The following PAPPA variants were observed in gnomAD, a reference collection of about 807,000 sequenced individuals.
PAPPA encodes pappalysin 1.
A neutral mutation model predicts 164.0 loss-of-function variants in PAPPA; 60 were observed. The ratio of observed to expected loss-of-function variants is 0.37; its 90% CI spans 0.30 to 0.45. PAPPA has a LOEUF of 0.45. PAPPA is among the 20% of genes least tolerant of loss of function. The pLI is 1.00. For missense variants in PAPPA, 1,782 were observed against 2,087.3 expected, an observed-to-expected ratio of 0.85 and a Z score of 2.85; for synonymous variants, 875 against 814.1, an observed-to-expected ratio of 1.07 and a Z score of -1.27.
At chr9:116,353,890 G>A (rs975688510) in intron 17 of PAPPA, 97 bp downstream of exon 17, 1 of 826,400 alleles carries the variant, frequency 1.2e-6, no homozygotes, top group South Asian at 1.9e-5. Context: ...CTGCACTTTT[G>A]TAATCTCTGA....
chr9:116,354,020 A>G (rs1846319455), intron 17 of PAPPA, among the ~76,000 whole-genome samples: 1 of 152,160 alleles, frequency 6.6e-6, no homozygotes, highest in Non-Finnish European at 1.5e-5. Context: ...CAATGTATGA[A>G]GTTGATAAAA....
intron 10 of PAPPA, among the ~76,000 whole-genome samples, chr9:116,312,276 T>C (rs2118909397): frequency 7.3e-6 from 1 of 137,772 alleles, no homozygotes; most frequent in East Asian, 2.3e-4. Flanking sequence ...TTTTCTTTTC[T>C]TTTCTTTCTT....
chr9:116,227,633 T>G, intron 6 of PAPPA, 81 bp downstream of exon 6: 1 of 1,445,642 alleles, frequency 6.9e-7, no homozygotes, highest in Non-Finnish European at 9.4e-7. Flanking sequence ...GTTTTATTAT[T>G]TTTATGGGTC....
At chr9:116,233,284 T>C (rs1478632683) in intron 6 of PAPPA, among the ~76,000 whole-genome samples, 1 of 152,220 alleles carries the variant, frequency 6.6e-6, no homozygotes, top group Non-Finnish European at 1.5e-5. Context: ...ATGAGTTAAC[T>C]AATAACTAGG....
At chr9:116,155,768 C>G in intron 1 of PAPPA, among the ~76,000 whole-genome samples, 1 of 152,250 alleles carries the variant, frequency 6.6e-6, no homozygotes, top group Non-Finnish European at 1.5e-5. Context: ...ATGAAGACCC[C>G]TTTAGGAGAC....
intron 10 of PAPPA, among the ~76,000 whole-genome samples, chr9:116,327,731 T>C (rs1166071622): frequency 2.0e-5 from 3 of 152,192 alleles, no homozygotes; most frequent in Non-Finnish European, 2.9e-5. Context: ...TGGCATGCCA[T>C]ATGCCCTCAG....
intron 21 of PAPPA, among the ~76,000 whole-genome samples, chr9:116,389,810 GTTT>G (rs59843125): frequency 1.4e-5 from 2 of 145,214 alleles, no homozygotes; most frequent in Non-Finnish European, 3.0e-5. Flanking sequence ...TTTGCCTTCT[GTTT>G]TTTTTTTTCT....
intron 7 of PAPPA, among the ~76,000 whole-genome samples, chr9:116,251,500 C>T (rs938097839): frequency 2.0e-5 from 3 of 152,192 alleles, no homozygotes; most frequent in African/African-American, 7.2e-5. Context: ...CCTTACTGGC[C>T]CCTAGTCCTC....
At chr9:116,293,351 G>A (rs909112642) in intron 9 of PAPPA, among the ~76,000 whole-genome samples, 1 of 152,054 alleles carries the variant, frequency 6.6e-6, no homozygotes. Flanking sequence ...TGCTGATTTG[G>A]GAGACTAATG....
rs10513270 is a variant in PAPPA, at chr9:116,271,055, C to A, written c.2862-270C>A. Among the ~76,000 whole-genome samples, 20,063 of 152,208 alleles carry A rather than the reference C, an allele frequency of 0.13. 1,838 individuals carry two copies. Among genetic ancestry groups the A allele is most frequent in the Admixed American group, 0.26 (3,996 of 15,288 alleles). ...TCTTCCATGTCTTACTCCCATCTGA[C>A]TTAACTGACTTGAGATCTCAGAGAA... On this transcript the variant is annotated intron_variant, in intron 8 of 21. Coordinates refer to ENST00000328252, the MANE Select transcript of PAPPA (RefSeq NM_002581.5). The surrounding 1 kb of genome is among the most constrained non-coding windows in gnomAD (Gnocchi z 4.2).
rs577468719 is a variant in PAPPA, at chr9:116,249,784, A to G, written c.2732+14147A>G. Among the ~76,000 whole-genome samples the G allele has an allele frequency of 2.7e-4, 41 of 152,334 alleles. No homozygotes were observed. The South Asian group carries it at 8.1e-3, about 30-fold the overall frequency. On this transcript the variant is annotated intron_variant, in intron 7 of 21. Transcript: ENST00000328252. ...GTTACTGGCATCACTGAAACACACA[A>G]TGAATGCAGCTATAGAGGCATATTT...
At chr9:116,339,012 C>T (rs1008194602) in intron 13 of PAPPA, among the ~76,000 whole-genome samples, 1 of 152,172 alleles carries the variant, frequency 6.6e-6, no homozygotes, top group Non-Finnish European at 1.5e-5. Flanking sequence ...CTAAGCAAGA[C>T]AAGTGACTCG....
intron 9 of PAPPA, among the ~76,000 whole-genome samples, chr9:116,287,935 C>T (rs1845361544): frequency 6.6e-6 from 1 of 152,182 alleles, no homozygotes; most frequent in African/African-American, 2.4e-5. Context: ...ACACATCCTT[C>T]ATTTGGCGGA....
chr9:116,384,759 T>C (rs759411167), intron 21 of PAPPA, among the ~76,000 whole-genome samples: 39 of 152,156 alleles, frequency 2.6e-4, no homozygotes, highest in Non-Finnish European at 5.4e-4. Flanking sequence ...CAAATGAATA[T>C]AGTGAACAAT....
intron 2 of PAPPA, among the ~76,000 whole-genome samples, chr9:116,192,620 G>T (rs951514849): frequency 6.6e-6 from 1 of 152,118 alleles, no homozygotes; most frequent in African/African-American, 2.4e-5. Flanking sequence ...GTGAATGAAG[G>T]GTCCACAGTA....
At chr9:116,205,339 C>T (rs947734284) in intron 2 of PAPPA, among the ~76,000 whole-genome samples, 2 of 152,190 alleles carry the variant, frequency 1.3e-5, no homozygotes. Flanking sequence ...CCTACCCCAC[C>T]CTTTTTCTCT....
chr9:116,155,967 A>G (rs1843596748), intron 1 of PAPPA, among the ~76,000 whole-genome samples: 1 of 151,502 alleles, frequency 6.6e-6, no homozygotes, highest in Admixed American at 6.6e-5. Flanking sequence ...CGCAAGCCCT[A>G]TTTGCCCAGA....
At chr9:116,196,436 A>G (rs1844104550) in intron 2 of PAPPA, among the ~76,000 whole-genome samples, 1 of 152,250 alleles carries the variant, frequency 6.6e-6, no homozygotes, top group Admixed American at 6.5e-5. Flanking sequence ...GCACTTGGTC[A>G]GATGCCCTTC....
intron 21 of PAPPA, among the ~76,000 whole-genome samples, chr9:116,388,504 G>A (rs1846846308): frequency 6.6e-6 from 1 of 152,192 alleles, no homozygotes; most frequent in African/African-American, 2.4e-5. Flanking sequence ...TGTTTCAGAT[G>A]GCTGCTAAGA....
Sources: allele counts gnomAD v4.1 joint callset (sites outside exome capture counted in the v4.1 genomes callset), GRCh38; gene constraint gnomAD v4.1.1; non-coding constraint Gnocchi (gnomAD v3.1); transcripts MANE v1.5; gene names NCBI Gene and HGNC (gene_info 2026-07-23, HGNC 2026-07-21).